The following HDHD5 variants were observed in gnomAD, a reference collection of about 807,000 sequenced individuals.
HDHD5 encodes the protein haloacid dehalogenase-like hydrolase domain-containing 5.
Under a neutral mutation model 35.5 loss-of-function variants are expected in HDHD5, and 34 were observed. That is an observed-to-expected ratio of 0.96 (90% confidence interval 0.73 to 1.28). The LOEUF (loss-of-function observed/expected upper bound fraction) is 1.28, where lower values mean the gene tolerates loss of function less well. HDHD5 is among the 50% of genes most tolerant of loss of function. The probability of loss-of-function intolerance (pLI) is 0.00; values close to 1 mark genes in which losing one functional copy is unlikely to be tolerated. For missense variants in HDHD5, 589 were observed against 560.2 expected (o/e 1.05, Z -0.52); for synonymous variants, 248 against 240.6 (o/e 1.03, Z -0.29).
At chr22:17,157,789 T>G (rs1399677656) in intron 1 of HDHD5, among the ~76,000 whole-genome samples, 1 of 152,166 alleles carries the variant, frequency 6.6e-6, no homozygotes, top group Non-Finnish European at 1.5e-5. Flanking sequence ...ATCATAAAAA[T>G]AATACAGCTG....
upstream of HDHD5, among the ~76,000 whole-genome samples, chr22:17,164,246 C>T (rs973388791): frequency 5.9e-5 from 7 of 118,010 alleles, no homozygotes; most frequent in African/African-American, 9.7e-5. Flanking sequence ...AAAAAAAAAG[C>T]AATAGGTGAA....
intron 4 of HDHD5, 36 bp from the exon 5 acceptor site, chr22:17,143,167 T>C (rs2123854115): frequency 6.3e-7 from 1 of 1,599,412 alleles, no homozygotes; most frequent in African/African-American, 1.3e-5. Context: ...TCAACACAAG[T>C]CGCCTTCCAC....
chr22:17,163,161 C>T (rs1005070842), upstream of HDHD5, among the ~76,000 whole-genome samples: 4 of 152,170 alleles, frequency 2.6e-5, no homozygotes, highest in Admixed American at 6.5e-5. Flanking sequence ...AGAAGGGCCT[C>T]GCCAGTCTTC....
upstream of HDHD5, among the ~76,000 whole-genome samples, chr22:17,161,155 A>G (rs2061860781): frequency 6.6e-6 from 1 of 150,674 alleles, no homozygotes; most frequent in African/African-American, 2.4e-5. Context: ...CTGAGGCAGG[A>G]GAATCGCTTG....
At chr22:17,139,732 C>T (rs368338213) in intron 6 of HDHD5, among the ~76,000 whole-genome samples, 20 of 152,012 alleles carry the variant, frequency 1.3e-4, no homozygotes, top group African/African-American at 4.8e-4. Context: ...GCCACCATGC[C>T]CGGCTAATTT....
chr22:17,139,420 T>C (rs2061573841), intron 6 of HDHD5, among the ~76,000 whole-genome samples: 2 of 151,700 alleles, frequency 1.3e-5, no homozygotes, highest in South Asian at 2.1e-4. Context: ...CCCAGCTACT[T>C]GGGGGGCTGA....
chr22:17,142,990 G>GT, intron 5 of HDHD5, 108 bp downstream of exon 5: 2 of 1,184,468 alleles, frequency 1.7e-6, no homozygotes, highest in Non-Finnish European at 2.4e-6. Flanking sequence ...TGACTCCAAG[G>GT]CCCCTTGCTG....
chr22:17,162,184 G>C (rs1361880548), upstream of HDHD5, among the ~76,000 whole-genome samples: 1 of 152,216 alleles, frequency 6.6e-6, no homozygotes, highest in Non-Finnish European at 1.5e-5. Flanking sequence ...TCTTCTTGGA[G>C]GTGGAGCTTC....
In HDHD5 at chr22:17,159,266, G is replaced by A. The variant is rs1244884556; in HGVS notation, c.-15C>T. On this transcript the variant is annotated 5_prime_UTR_variant, in exon 1 of 8. Transcript: ENST00000336737. ...CACGCAGCCATCCGGCCGTCGCCGT[G>A]CGCACGTGCACGGCGTGCGGCCCCC... The A allele has an allele frequency of 2.4e-6, 3 of 1,256,052 alleles. No homozygotes were observed. The highest frequency in any genetic ancestry group is 4.7e-5 in the Admixed American group (1 of 21,142). 77.8% of individuals were successfully genotyped at this position (1,256,052 alleles called of 1,614,324 possible).
chr22:17,140,061 A>G (rs1193127618), intron 6 of HDHD5, among the ~76,000 whole-genome samples: 1 of 152,150 alleles, frequency 6.6e-6, no homozygotes, highest in Non-Finnish European at 1.5e-5. Context: ...CCACAGACAT[A>G]CACTTTAAAA....
chr22:17,141,196 G>A lies in HDHD5; in HGVS notation c.609C>T (p.Thr203=). The part of the protein sequence containing the change: ...LLLGEPVRWE[T]SLQLIMDVLL... Reference sequence around the variant, plus strand: ...GGACATCCATGATCAGCTGCAGGCTGGTCTCCCAGCGGACCGGCTCCCCTA... The same window carrying A: ...GGACATCCATGATCAGCTGCAGGCTAGTCTCCCAGCGGACCGGCTCCCCTA... The change falls in exon 6 of 8, where the codon ACC becomes ACT. Residue 203 remains threonine (T), a synonymous_variant. Transcript: ENST00000336737. The A allele has an allele frequency of 1.3e-6, 2 of 1,598,138 alleles. No homozygotes were observed. Among genetic ancestry groups the A allele is most frequent in the South Asian group, 1.1e-5 (1 of 88,878 alleles).
At chr22:17,163,562 C>A (rs1338009731), upstream of HDHD5, among the ~76,000 whole-genome samples, 1 of 152,176 alleles carries the variant, frequency 6.6e-6, no homozygotes, top group Non-Finnish European at 1.5e-5. Context: ...CTATCCCCAG[C>A]CCCCAGCCAC....
At chr22:17,163,866 C>T (rs1032827293), upstream of HDHD5, among the ~76,000 whole-genome samples, 1 of 152,210 alleles carries the variant, frequency 6.6e-6, no homozygotes, top group African/African-American at 2.4e-5. Flanking sequence ...CTCTCTGATT[C>T]ACCTGTCTCC....
Position 17,145,030 on chromosome 22 carries a change from C to G in HDHD5, c.531G>C (p.Lys177Asn), listed in dbSNP as rs2061645411. The change falls in exon 4 of 8, where the codon AAG becomes AAC. Residue 177 changes from lysine to asparagine, a missense_variant. Lys to Asn is a moderately conservative substitution (Grantham distance 94). Transcript: ENST00000336737. ...LDMVDLERRL[K>N]TTPLPRNDFP... ...AACCCATGCTCCTTATTACCGTGGT[C>G]TTTAGCCGCCGCTCCAGGTCCACCA... The G allele has an allele frequency of 6.2e-7, 1 of 1,613,850 alleles. No homozygotes were observed. The highest frequency in any genetic ancestry group is 8.5e-7 in the Non-Finnish European group (1 of 1,179,978).
chr22:17,152,024 G>A (rs561579441), intron 1 of HDHD5, among the ~76,000 whole-genome samples: 29 of 152,250 alleles, frequency 1.9e-4, no homozygotes, highest in African/African-American at 6.5e-4. Context: ...CAGACTAGAT[G>A]AGTGGTTCCT....
At chr22:17,161,737 C>T (rs2061865069), upstream of HDHD5, among the ~76,000 whole-genome samples, 1 of 151,606 alleles carries the variant, frequency 6.6e-6, no homozygotes, top group Non-Finnish European at 1.5e-5. Context: ...ATTAGCCAGG[C>T]ATAGTGACAC....
chr22:17,162,397 T>C (rs772860945), upstream of HDHD5, among the ~76,000 whole-genome samples: 11 of 152,208 alleles, frequency 7.2e-5, no homozygotes, highest in Non-Finnish European at 1.6e-4. Flanking sequence ...TCATACTTAG[T>C]GTTATTAATC....
At position 17,138,740 on chromosome 22, in the gene HDHD5, T is replaced by C; in HGVS notation, c.747-2A>G. On this transcript the variant is annotated splice_acceptor_variant, in intron 6 of 7. Coordinates refer to ENST00000336737, the MANE Select transcript of HDHD5 (RefSeq NM_033070.3). LOFTEE classifies it high-confidence loss of function. ...AGCAGAAAGGTGCCATGTCCAAACC[T>C]GCCAGAAACGAGCACGCAGCAGTTC... 1 of 1,614,198 alleles carries C rather than the reference T, an allele frequency of 6.2e-7. No individual in the cohort carries two copies. The highest frequency in any genetic ancestry group is 8.5e-7 in the Non-Finnish European group (1 of 1,180,024).
chr22:17,155,758 T>C (rs2061782707), intron 1 of HDHD5, among the ~76,000 whole-genome samples: 1 of 152,152 alleles, frequency 6.6e-6, no homozygotes, highest in Non-Finnish European at 1.5e-5. Context: ...TAATGCAAGA[T>C]GGTAATACAG....
Sources: gnomAD v4.1 joint callset for allele counts (sites outside exome capture counted in the v4.1 genomes callset) on GRCh38, gnomAD v4.1.1 for gene constraint, MANE v1.5 for transcripts, NCBI Gene and HGNC (gene_info 2026-07-23, HGNC 2026-07-21) for gene names.